The following ACOT12 variants were observed in gnomAD, a reference collection of about 807,000 sequenced individuals.
ACOT12 encodes the protein acyl-CoA thioesterase 12, also known as acetyl-coenzyme A thioesterase.
ACOT12 carries 51 observed loss-of-function variants against 67.7 expected under a neutral mutation model. That is an observed-to-expected ratio of 0.75 (90% CI 0.60 to 0.95). The LOEUF (loss-of-function observed/expected upper bound fraction) is 0.95. Among genes scored for constraint, ACOT12 ranks in the 40% least tolerant of loss-of-function variants. The pLI is 0.00. For synonymous variants in ACOT12, 251 were observed against 244.6 expected (o/e 1.03, Z -0.24); for missense variants, 734 against 708.1 (o/e 1.04, Z -0.41).
At chr5:81,365,933 C>T (rs896646222) in intron 3 of ACOT12, among the ~76,000 whole-genome samples, 22 of 152,288 alleles carry the variant, frequency 1.4e-4, no homozygotes, top group African/African-American at 5.3e-4. Flanking sequence ...TGGGTTGATA[C>T]TAACTGGACC....
Position 81,345,930 on chromosome 5 carries a change from T to A in ACOT12, c.728A>T (p.Asp243Val). ...FKFRGPSTVG[D>V]RLVFTAIVNN... ...GACAATGGCAGTGAAGACAAGACGA[T>A]CTCCAACTGTAGATGGTCCCCGGAA... The change falls in exon 7 of 15, where the codon GAT (aspartate) becomes GTT (valine). Residue 243 changes from aspartate to valine, a missense_variant. Coordinates refer to ENST00000307624, the MANE Select transcript of ACOT12 (RefSeq NM_130767.3). 1 of 1,613,924 alleles carries A rather than the reference T, an allele frequency of 6.2e-7. No individual in the cohort carries two copies. Among genetic ancestry groups the A allele is most frequent in the East Asian group, 2.2e-5 (1 of 44,860 alleles).
intron 2 of ACOT12, among the ~76,000 whole-genome samples, chr5:81,373,237 A>G (rs1760308150): frequency 6.6e-6 from 1 of 152,212 alleles, no homozygotes; most frequent in African/African-American, 2.4e-5. Flanking sequence ...AAGGTGGGTC[A>G]TCACCCTACC....
At chr5:81,378,030 C>T (rs1437250232) in intron 2 of ACOT12, among the ~76,000 whole-genome samples, 6 of 152,184 alleles carry the variant, frequency 3.9e-5, no homozygotes, top group African/African-American at 1.4e-4. Context: ...ATAGCCAAGA[C>T]AATCCTAAGC....
the ACOT12 span, among the ~76,000 whole-genome samples, chr5:81,315,160 T>G: frequency 6.6e-6 from 1 of 152,182 alleles, no homozygotes; most frequent in Non-Finnish European, 1.5e-5. Flanking sequence ...GATGCTCCAC[T>G]AATACTTCAA....
intron 5 of ACOT12, among the ~76,000 whole-genome samples, chr5:81,351,875 CA>C (rs372059717): frequency 2.2e-3 from 328 of 152,130 alleles, no homozygotes; most frequent in Non-Finnish European, 2.7e-3. Context: ...GATTAATAAC[CA>C]GAATATATAA....
chr5:81,363,776 T>A lies in ACOT12; in HGVS notation c.360+12A>T. The stretch of plus-strand genomic sequence containing the variant: ...ATTACATGCTAGATACATCTTCACA[T>A]ACAAAATTTACCTTTTCTTTTCCAA... On this transcript the variant is annotated intron_variant, in intron 4 of 14. Coordinates refer to ENST00000307624, the MANE Select transcript of ACOT12 (RefSeq NM_130767.3). 1.3e-6 allele frequency: 2 copies of A among 1,598,598 alleles called. No homozygotes were observed. Among genetic ancestry groups the A allele is most frequent in the Non-Finnish European group, 1.7e-6 (2 of 1,171,198 alleles).
At chr5:81,308,974 T>C in the ACOT12 span, 1 of 1,613,520 alleles carries the variant, frequency 6.2e-7, no homozygotes, top group East Asian at 2.2e-5. Flanking sequence ...AATGTTTTGT[T>C]TGTGGAGAAA....
chr5:81,361,077 C>CAAA lies in ACOT12; in HGVS notation c.361-1042_361-1040dup, dbSNP rs71000820. The stretch of plus-strand genomic sequence containing the variant: ...TGGGAGACAGAGTGAGACTCCATCT[C>CAAA]AAAAAAAAAAAAAAAAAAAAAAGAA... On this transcript the variant is annotated intron_variant, in intron 4 of 14. Coordinates refer to ENST00000307624, the MANE Select transcript of ACOT12 (RefSeq NM_130767.3). Among the ~76,000 whole-genome samples the CAAA allele has an allele frequency of 3.3e-3, 170 of 52,246 alleles. 4 individuals are homozygous for CAAA. Among genetic ancestry groups the CAAA allele is most frequent in the African/African-American group, 0.011 (132 of 11,986 alleles). The allele number at this position is 52,246 out of a possible 152,430, so 34.3% of individuals were successfully genotyped here.
intron 2 of ACOT12, among the ~76,000 whole-genome samples, chr5:81,373,864 TCC>T (rs1561347112): frequency 1.3e-5 from 2 of 152,030 alleles, no homozygotes; most frequent in African/African-American, 4.8e-5. Flanking sequence ...AGGCAGCATC[TCC>T]CTGGGACAGA....
chr5:81,315,480 G>A, the ACOT12 span, among the ~76,000 whole-genome samples: 3 of 152,274 alleles, frequency 2.0e-5, no homozygotes, highest in African/African-American at 7.2e-5. Flanking sequence ...TAGGTTACAC[G>A]AGGGCAGGAA....
chr5:81,391,554 A>T (rs1013339123), intron 1 of ACOT12, among the ~76,000 whole-genome samples: 4 of 152,228 alleles, frequency 2.6e-5, no homozygotes, highest in Non-Finnish European at 5.9e-5. Context: ...AAGCACTTGA[A>T]CATCTTAGAA....
At chr5:81,371,661 A>C in intron 3 of ACOT12, 89 bp downstream of exon 3, 1 of 1,297,046 alleles carries the variant, frequency 7.7e-7, no homozygotes. Flanking sequence ...CACTAACTCC[A>C]AATATTAGTC....
chr5:81,393,921 G>C (rs1760933040), intron 1 of ACOT12, 67 bp downstream of exon 1: 2 of 1,259,978 alleles, frequency 1.6e-6, no homozygotes, highest in Non-Finnish European at 2.0e-6. Context: ...ACCCCCCCCA[G>C]CCCCCAGCCG....
intron 13 of ACOT12, among the ~76,000 whole-genome samples, chr5:81,331,262 G>A (rs1428438872): frequency 2.6e-5 from 4 of 152,204 alleles, no homozygotes; most frequent in African/African-American, 7.2e-5. Flanking sequence ...AACAGGCCGG[G>A]TGCAGTGGCT....
chr5:81,382,856 A>G (rs533967602), intron 2 of ACOT12, among the ~76,000 whole-genome samples: 40 of 152,168 alleles, frequency 2.6e-4, no homozygotes, highest in Non-Finnish European at 4.1e-4. Flanking sequence ...CATCAAGTAC[A>G]TGAAAATCCA....
At chr5:81,347,418 A>G (rs889263602) in intron 6 of ACOT12, among the ~76,000 whole-genome samples, 1 of 152,140 alleles carries the variant, frequency 6.6e-6, no homozygotes, top group African/African-American at 2.4e-5. Context: ...ACCTAGACTG[A>G]TTATTTTTAA....
chr5:81,370,986 A>G (rs1760232374), intron 3 of ACOT12, among the ~76,000 whole-genome samples: 1 of 152,194 alleles, frequency 6.6e-6, no homozygotes, highest in African/African-American at 2.4e-5. Flanking sequence ...GATGCAGAAT[A>G]AAAATCTTCT....
At chr5:81,375,079 G>T (rs1356462557) in intron 2 of ACOT12, among the ~76,000 whole-genome samples, 1 of 152,130 alleles carries the variant, frequency 6.6e-6, no homozygotes, top group African/African-American at 2.4e-5. Context: ...AAATGTTAAG[G>T]GCAGCCAGAG....
At chr5:81,341,246 A>T (rs1365181133) in intron 11 of ACOT12, among the ~76,000 whole-genome samples, 1 of 152,254 alleles carries the variant, frequency 6.6e-6, no homozygotes, top group African/African-American at 2.4e-5. Context: ...AGGCAAAGAC[A>T]GAAATTTAAC....
Sources: allele counts gnomAD v4.1 joint callset (sites outside exome capture counted in the v4.1 genomes callset), GRCh38; gene constraint gnomAD v4.1.1; transcripts MANE v1.5; gene names NCBI Gene and HGNC (gene_info 2026-07-23, HGNC 2026-07-21).